The following NTM variants were observed in gnomAD, a reference collection of about 807,000 sequenced individuals.
The protein encoded by NTM is IgLON family member 2.
A neutral mutation model predicts 42.1 loss-of-function variants in NTM; 13 were observed. The ratio of observed to expected loss-of-function variants is 0.31; its 90% CI spans 0.20 to 0.49. The LOEUF is 0.49. Ranked by LOEUF, NTM falls within the 20% of genes least tolerant of loss-of-function variation. NTM has a pLI of 0.99. For synonymous variants in NTM, 187 were observed against 179.2 expected, an observed-to-expected ratio of 1.04 and a Z score of -0.35; for missense variants, 373 against 452.8, an observed-to-expected ratio of 0.82 and a Z score of 1.60.
Position 132,142,820 on chromosome 11 carries a change from A to G in NTM, c.168-3462A>G, listed in dbSNP as rs74517431. On this transcript the variant is annotated intron_variant, in intron 2 of 8. Transcript: ENST00000683400. Reference sequence around the variant, plus strand: ...GTTCTGAGTGCTAGTGCATCTGCAGACGAACCTCTCTGGCCCTGTAGTGCG... The same window carrying G: ...GTTCTGAGTGCTAGTGCATCTGCAGGCGAACCTCTCTGGCCCTGTAGTGCG... Among the ~76,000 whole-genome samples, 657 of 152,294 alleles carry G rather than the reference A, an allele frequency of 4.3e-3. 7 individuals carry two copies. Among genetic ancestry groups the G allele is most frequent in the Non-Finnish European group, 7.4e-3 (501 of 68,014 alleles).
chr11:131,560,950 C>G (rs1161268601), intron 1 of NTM, among the ~76,000 whole-genome samples: 1 of 152,176 alleles, frequency 6.6e-6, no homozygotes, highest in Non-Finnish European at 1.5e-5. Context: ...CCCAGGCTGA[C>G]CATCCCGGCT....
chr11:132,161,128 G>C (rs1378782967), intron 3 of NTM, among the ~76,000 whole-genome samples: 1 of 152,054 alleles, frequency 6.6e-6, no homozygotes, highest in Non-Finnish European at 1.5e-5. Context: ...CTTCTTGCCT[G>C]GCCAGGGCTC....
At chr11:131,495,779 C>T (rs1247325217) in intron 1 of NTM, among the ~76,000 whole-genome samples, 1 of 152,168 alleles carries the variant, frequency 6.6e-6, no homozygotes, top group South Asian at 2.1e-4. Flanking sequence ...AGCAGAAGGC[C>T]CCAGGTTAAA....
chr11:131,963,743 A>G (rs1384493973), intron 2 of NTM, among the ~76,000 whole-genome samples: 2 of 152,244 alleles, frequency 1.3e-5, no homozygotes, highest in African/African-American at 2.4e-5. Context: ...AGACAAAATA[A>G]TAATGATGAC....
intron 1 of NTM, among the ~76,000 whole-genome samples, chr11:131,731,431 G>T (rs1565478488): frequency 6.6e-6 from 1 of 152,156 alleles, no homozygotes; most frequent in East Asian, 1.9e-4. Context: ...TGTATATGAT[G>T]TTATTTAATC....
At chr11:131,724,167 TCTC>T (rs2078686874) in intron 1 of NTM, among the ~76,000 whole-genome samples, 1 of 152,090 alleles carries the variant, frequency 6.6e-6, no homozygotes, top group Non-Finnish European at 1.5e-5. Flanking sequence ...ACGGCTTTGT[TCTC>T]CTGTCCAGAT....
chr11:131,405,331 A>T (rs1945691725), intron 1 of NTM, among the ~76,000 whole-genome samples: 1 of 152,164 alleles, frequency 6.6e-6, no homozygotes, highest in South Asian at 2.1e-4. Flanking sequence ...TGTGTTTCAA[A>T]TGGAAATTGT....
At chr11:131,716,337 A>G (rs1326362679) in intron 1 of NTM, among the ~76,000 whole-genome samples, 1 of 152,158 alleles carries the variant, frequency 6.6e-6, no homozygotes, top group African/African-American at 2.4e-5. Context: ...GGACACAAAT[A>G]TTCAGACCAT....
At chr11:131,460,746 GT>G (rs1951301419) in intron 1 of NTM, among the ~76,000 whole-genome samples, 1 of 152,118 alleles carries the variant, frequency 6.6e-6, no homozygotes, top group Non-Finnish European at 1.5e-5. Context: ...TAGAGACGGG[GT>G]TTCACCATGT....
chr11:131,828,843 C>G (rs1460917997), intron 1 of NTM, among the ~76,000 whole-genome samples: 1 of 152,134 alleles, frequency 6.6e-6, no homozygotes, highest in Non-Finnish European at 1.5e-5. Context: ...AAAATTGAAA[C>G]TCTTTATTCA....
At chr11:131,739,308 G>T (rs1285523111) in intron 1 of NTM, among the ~76,000 whole-genome samples, 1 of 151,978 alleles carries the variant, frequency 6.6e-6, no homozygotes, top group Admixed American at 6.6e-5. Context: ...AGCATTTTAA[G>T]GTTCAAATTT....
intron 1 of NTM, among the ~76,000 whole-genome samples, chr11:131,751,716 C>A (rs937492982): frequency 2.0e-5 from 3 of 152,030 alleles, no homozygotes; most frequent in African/African-American, 7.2e-5. Flanking sequence ...GCCAAGATGG[C>A]ACTGCTGCAC....
rs1016520117 is a variant in NTM, at chr11:131,819,268, G to A, written c.83-92296G>A. On this transcript the variant is annotated intron_variant, in intron 1 of 8. Coordinates refer to ENST00000683400, the MANE Select transcript of NTM (RefSeq NM_001352005.2). ...TTTGGCTGCACATATCTAGGGACCC[G>A]AGGGAGCATGCCACACTACAGAAGC... is the stretch of plus-strand genomic sequence containing the variant. Among the ~76,000 whole-genome samples, 3 of 152,124 alleles carry A rather than the reference G, an allele frequency of 2.0e-5. 1 individual carries two copies. Among genetic ancestry groups the A allele is most frequent in the Admixed American group, 2.0e-4 (3 of 15,274 alleles).
At chr11:131,977,475 A>G (rs2064579838) in intron 2 of NTM, among the ~76,000 whole-genome samples, 1 of 152,340 alleles carries the variant, frequency 6.6e-6, no homozygotes, top group South Asian at 2.1e-4. Context: ...CCTCAGCCCT[A>G]GGCAATAGAA....
chr11:131,761,851 ATAAATAAATAAT>A (rs1350215506), intron 1 of NTM, among the ~76,000 whole-genome samples: 6 of 142,028 alleles, frequency 4.2e-5, no homozygotes. Context: ...AAATAAATAA[ATAAATAAATAAT>A]AAATGCAGAG....
intron 1 of NTM, among the ~76,000 whole-genome samples, chr11:131,585,666 A>G (rs2058791819): frequency 6.6e-6 from 1 of 152,116 alleles, no homozygotes; most frequent in African/African-American, 2.4e-5. Flanking sequence ...CTCCTTCTCT[A>G]TCTCATTTCA....
intron 4 of NTM, among the ~76,000 whole-genome samples, chr11:132,255,181 AT>A (rs923476320): frequency 6.6e-6 from 1 of 151,896 alleles, no homozygotes; most frequent in African/African-American, 2.4e-5. Flanking sequence ...GAGCCTGAAC[AT>A]TTTTTTTATC....
At chr11:131,401,816 A>ATATATATATATATGTGTATC (rs1565465248) in intron 1 of NTM, among the ~76,000 whole-genome samples, 1 of 33,266 alleles carries the variant, frequency 3.0e-5, no homozygotes, top group African/African-American at 1.6e-4. Flanking sequence ...ATATATATAT[A>ATATATATATATATGTGTATC]TATATATATA....
chr11:132,055,462 A>G (rs2079489888), intron 2 of NTM, among the ~76,000 whole-genome samples: 1 of 152,126 alleles, frequency 6.6e-6, no homozygotes, highest in African/African-American at 2.4e-5. Flanking sequence ...ATGAATAGAA[A>G]CATGTTTATT....
Sources: gnomAD v4.1 joint callset for allele counts (sites outside exome capture counted in the v4.1 genomes callset) on GRCh38, gnomAD v4.1.1 for gene constraint, MANE v1.5 for transcripts, NCBI Gene and HGNC (gene_info 2026-07-23, HGNC 2026-07-21) for gene names.